TMEM72: variants seen among roughly 807,000 people sequenced by gnomAD.
The protein encoded by TMEM72 is transmembrane protein 72, also known as kidney-specific secretory protein of 37 kDa.
TMEM72 carries 9 observed loss-of-function variants against 16.3 expected under a neutral mutation model. The observed-to-expected ratio is 0.55, with a 90% CI of 0.33 to 0.96. The LOEUF (loss-of-function observed/expected upper bound fraction) is 0.96. Ranked by LOEUF, TMEM72 falls within the 40% of genes least tolerant of loss-of-function variation. The pLI, the probability that TMEM72 is intolerant of heterozygous loss-of-function variation, is 0.03. For missense variants in TMEM72, 324 were observed against 337.8 expected, an observed-to-expected ratio of 0.96 and a Z score of 0.32; for synonymous variants, 160 against 146.5, an observed-to-expected ratio of 1.09 and a Z score of -0.66.
intron 4 of TMEM72, among the ~76,000 whole-genome samples, chr10:44,934,448 A>G (rs1431379941): frequency 6.6e-6 from 1 of 152,170 alleles, no homozygotes; most frequent in Non-Finnish European, 1.5e-5. Flanking sequence ...CCTTCCTGCC[A>G]TTTAGCATCC....
At chr10:44,914,077 C>A (rs1839978524) in intron 1 of TMEM72, among the ~76,000 whole-genome samples, 1 of 152,200 alleles carries the variant, frequency 6.6e-6, no homozygotes, top group Non-Finnish European at 1.5e-5. Context: ...ACTGACGGCA[C>A]CTGGTGGGTG....
At chr10:44,913,945 T>G (rs1839975998) in intron 1 of TMEM72, among the ~76,000 whole-genome samples, 1 of 152,152 alleles carries the variant, frequency 6.6e-6, no homozygotes. Flanking sequence ...TAGGAAGACA[T>G]GTGACCCAAG....
At chr10:44,926,921 G>T (rs1589045262) in intron 1 of TMEM72, among the ~76,000 whole-genome samples, 1 of 152,100 alleles carries the variant, frequency 6.6e-6, no homozygotes, top group African/African-American at 2.4e-5. Flanking sequence ...ACCAGGCGAT[G>T]GAAGCCCACA....
rs1451666158 is a variant in TMEM72, at chr10:44,936,552, A to G, written c.*1418A>G. 2 of 152,234 alleles carry G rather than the reference A, an allele frequency of 1.3e-5. No individual in the cohort carries two copies. The highest frequency in any genetic ancestry group is 2.9e-5 in the Non-Finnish European group (2 of 68,032). The allele number at this position is 152,234 out of a possible 1,614,324, so 9.4% of individuals were successfully genotyped here. On this transcript the variant is annotated 3_prime_UTR_variant, in exon 5 of 5. Coordinates refer to ENST00000389583, the MANE Select transcript of TMEM72 (RefSeq NM_001123376.3). Reference sequence around the variant, plus strand: ...CCTGCAGTAGCCCAGGTCTCACCAAATGACAAATGGCTAATCAAGACACTC... The same window carrying G: ...CCTGCAGTAGCCCAGGTCTCACCAAGTGACAAATGGCTAATCAAGACACTC...
intron 1 of TMEM72, among the ~76,000 whole-genome samples, chr10:44,915,536 C>T (rs116260907): frequency 0.016 from 2,389 of 152,184 alleles, 59 homozygotes; most frequent in African/African-American, 0.045. Context: ...ATTTCCTCCA[C>T]CTGAATCAGG....
intron 4 of TMEM72, 25 bp downstream of exon 4, chr10:44,933,801 G>A: frequency 6.3e-7 from 1 of 1,595,770 alleles, no homozygotes; most frequent in Non-Finnish European, 8.6e-7. Context: ...GTAGAGATAT[G>A]CAGCCCCAGC....
chr10:44,936,699 A>G lies in TMEM72; in HGVS notation c.*1565A>G, dbSNP rs1840406526. Reference sequence around the variant, plus strand: ...AACAATATGGGATATGGGTATAGGTAGGTGGTAGACAAGGATCGTGCCCCA... The same window carrying G: ...AACAATATGGGATATGGGTATAGGTGGGTGGTAGACAAGGATCGTGCCCCA... On this transcript the variant is annotated 3_prime_UTR_variant, in exon 5 of 5. Coordinates refer to ENST00000389583, the MANE Select transcript of TMEM72 (RefSeq NM_001123376.3). 6.6e-6 allele frequency: 1 copy of G among 152,276 alleles called. No homozygotes were observed. The highest frequency in any genetic ancestry group is 2.4e-5 in the African/African-American group (1 of 41,470). 9.4% of individuals were successfully genotyped at this position (152,276 alleles called of 1,614,324 possible).
rs1459172536 is a variant in TMEM72, at chr10:44,936,116, A to G, written c.*982A>G. On this transcript the variant is annotated 3_prime_UTR_variant, in exon 5 of 5. Transcript: ENST00000389583. ...TCTCTGCCATGGGGCCACGGAAGTG[A>G]CAGTTAACCCAGAAGGAACAAAGAC... is the stretch of plus-strand genomic sequence containing the variant. 6.6e-6 allele frequency: 1 copy of G among 152,252 alleles called. No homozygotes were observed. The highest frequency in any genetic ancestry group is 1.5e-5 in the Non-Finnish European group (1 of 68,048). The allele number at this position is 152,252 out of a possible 1,614,324, so 9.4% of individuals were successfully genotyped here.
In TMEM72 at chr10:44,927,801, A is replaced by G. The variant is rs1429579050; in HGVS notation, c.71-120A>G. On this transcript the variant is annotated intron_variant, in intron 1 of 4. Coordinates refer to ENST00000389583, the MANE Select transcript of TMEM72 (RefSeq NM_001123376.3). ...AGCTGCCTGTATCATGAAGAGAAGA[A>G]CCTACCTTGGCTGTCAGTCCCCAGG... is the stretch of plus-strand genomic sequence containing the variant. 2.3e-5 allele frequency: 22 copies of G among 938,244 alleles called. No individual in the cohort carries two copies. The East Asian group carries it at 4.7e-4, about 20-fold the overall frequency. The allele number at this position is 938,244 out of a possible 1,614,324, so 58.1% of individuals were successfully genotyped here.
chr10:44,929,262 G>A (rs77463596), intron 2 of TMEM72, among the ~76,000 whole-genome samples: 2,337 of 152,312 alleles, frequency 0.015, 58 homozygotes, highest in African/African-American at 0.053. Context: ...AAGAACCTGG[G>A]TCTCTGCCCC....
At chr10:44,931,966 C>A (rs763972582) in intron 2 of TMEM72, 32 bp from the exon 3 acceptor site, 1 of 1,596,130 alleles carries the variant, frequency 6.3e-7, no homozygotes, top group South Asian at 1.1e-5. Flanking sequence ...AAGACAGAGG[C>A]GCCAGCCTCC....
rs1840003596 is a variant in TMEM72, at chr10:44,915,673, A to C, written c.70+4091A>C. 3.3e-5 allele frequency among the ~76,000 whole-genome samples: 5 copies of C among 152,150 alleles called. No homozygotes were observed. The South Asian group carries it at 1.0e-3, about 31-fold the overall frequency. ...TACCCTCATGCTCCTGCCCTTGGTC[A>C]GTTCTGATCAGTCAGGTGGGGTCAT... On this transcript the variant is annotated intron_variant, in intron 1 of 4. Transcript: ENST00000389583.
In TMEM72 at chr10:44,934,946, G is replaced by A. The variant is rs73279307; in HGVS notation, c.640G>A (p.Asp214Asn). 4.6e-3 allele frequency: 7,385 copies of A among 1,613,918 alleles called. 197 individuals are homozygous for A. In the African/African-American group the frequency reaches 0.063, roughly 14 times the overall value. Residue 214 changes from aspartate to asparagine, a missense_variant, in exon 5 of 5, where the codon GAC (aspartate) becomes AAC (asparagine). Coordinates refer to ENST00000389583, the MANE Select transcript of TMEM72 (RefSeq NM_001123376.3). ...GATGGAGCTGAGCCTGGAGCCAGCC[G>A]ACTCCCTGGCCAAGAAGAAGCAGGT... ...TLMELSLEPA[D>N]SLAKKKQVHF...
At chr10:44,914,533 T>C (rs1189160687) in intron 1 of TMEM72, among the ~76,000 whole-genome samples, 1 of 152,158 alleles carries the variant, frequency 6.6e-6, no homozygotes, top group Non-Finnish European at 1.5e-5. Flanking sequence ...CAGACACAGC[T>C]GGGAAATGGC....
chr10:44,931,705 G>A, intron 2 of TMEM72: 2 of 452,588 alleles, frequency 4.4e-6, no homozygotes, highest in East Asian at 3.7e-5. Flanking sequence ...CCAGCAGGTA[G>A]AAGGATGTGC....
chr10:44,922,339 C>A (rs534903627), intron 1 of TMEM72, among the ~76,000 whole-genome samples: 8 of 152,186 alleles, frequency 5.3e-5, no homozygotes, highest in African/African-American at 1.7e-4. Flanking sequence ...CAAGCCCCCA[C>A]TAAATTTCAG....
chr10:44,912,378 G>A (rs1474163297), intron 1 of TMEM72, among the ~76,000 whole-genome samples: 1 of 152,174 alleles, frequency 6.6e-6, no homozygotes, highest in East Asian at 1.9e-4. Context: ...GATCTGTTTT[G>A]GGGAAATGAA....
At chr10:44,932,999 G>C (rs1333776655) in intron 3 of TMEM72, among the ~76,000 whole-genome samples, 1 of 152,150 alleles carries the variant, frequency 6.6e-6, no homozygotes, top group Non-Finnish European at 1.5e-5. Context: ...TAGAGCCCCA[G>C]CTCTAGGCCA....
chr10:44,935,407 A>G lies in TMEM72; in HGVS notation c.*273A>G. On this transcript the variant is annotated 3_prime_UTR_variant, in exon 5 of 5. Coordinates refer to ENST00000389583, the MANE Select transcript of TMEM72 (RefSeq NM_001123376.3). Reference sequence around the variant, plus strand: ...GAAACCCTTATGCTTCCCCAACAAGACCATCACTGCCACTGCGCACGAGGC... The same window carrying G: ...GAAACCCTTATGCTTCCCCAACAAGGCCATCACTGCCACTGCGCACGAGGC... 1 of 400,690 alleles carries G rather than the reference A, an allele frequency of 2.5e-6. No homozygotes were observed. Among genetic ancestry groups the G allele is most frequent in the Non-Finnish European group, 4.4e-6 (1 of 224,792 alleles). The allele number at this position is 400,690 out of a possible 1,614,324, so 24.8% of individuals were successfully genotyped here.
Sources: gnomAD v4.1 joint callset for allele counts (sites outside exome capture counted in the v4.1 genomes callset) on GRCh38, gnomAD v4.1.1 for gene constraint, MANE v1.5 for transcripts, NCBI Gene and HGNC (gene_info 2026-07-23, HGNC 2026-07-21) for gene names.